Variants in PTPN23 observed in about 807,000 individuals in gnomAD.
PTPN23 encodes the protein protein tyrosine phosphatase non-receptor type 23, also known as tyrosine-protein phosphatase non-receptor type 23.
Under a neutral mutation model 156.3 loss-of-function variants are expected in PTPN23, and 72 were observed. The ratio of observed to expected loss-of-function variants is 0.46; its 90% CI spans 0.38 to 0.56. PTPN23 has a LOEUF of 0.56. Among genes scored for constraint, PTPN23 ranks in the 20% least tolerant of loss-of-function variants. PTPN23 has a pLI of 0.00. For synonymous variants in PTPN23, 957 were observed against 899.6 expected (o/e 1.06, Z -1.14); for missense variants, 1,974 against 2,171.5 (o/e 0.91, Z 1.81).
chr3:47,407,850 G>T lies in PTPN23; in HGVS notation c.1118+39G>T. 1 of 1,614,170 alleles carries T rather than the reference G, an allele frequency of 6.2e-7. No homozygotes were observed. The highest frequency in any genetic ancestry group is 8.5e-7 in the Non-Finnish European group (1 of 1,180,004). On this transcript the variant is annotated intron_variant, in intron 13 of 24. Coordinates refer to ENST00000265562, the MANE Select transcript of PTPN23 (RefSeq NM_015466.4). This position sits in a 1 kb window ranked among gnomAD's most constrained non-coding sequence, Gnocchi z 4.0. ...GGCACAGAGGGAGGTGGGGTGTCTT[G>T]AGATGTGGGTCTTCAGCAAATGCTC...
chr3:47,382,923 G>A (rs1469835863), intron 1 of PTPN23, among the ~76,000 whole-genome samples: 2 of 151,822 alleles, frequency 1.3e-5, no homozygotes, highest in African/African-American at 2.4e-5. Flanking sequence ...CTCCCGACCC[G>A]TGATCCACCC....
At chr3:47,387,417 A>AG (rs1704676981) in intron 1 of PTPN23, among the ~76,000 whole-genome samples, 1 of 150,990 alleles carries the variant, frequency 6.6e-6, no homozygotes, top group South Asian at 2.1e-4. Context: ...AAAAAAAAAA[A>AG]AAAAAGAAAG....
In PTPN23 at chr3:47,411,078, C is replaced by A; in HGVS notation, c.3280C>A (p.Pro1094Thr). Residue 1094 changes from proline (P) to threonine (T), a missense_variant, in exon 20 of 25, where the codon CCT (proline) becomes ACT (threonine). Physicochemically the swap from Pro to Thr is conservative, Grantham distance 38 (BLOSUM62 -1). This residue lies in a region of PTPN23 where 731 missense variants were observed against 669.1 expected (regional missense o/e 1.09). Coordinates refer to ENST00000265562, the MANE Select transcript of PTPN23 (RefSeq NM_015466.4). This position sits in a 1 kb window ranked among gnomAD's most constrained non-coding sequence, Gnocchi z 6.3. Reference protein sequence around the residue: ...LVPSPAPSPGPGPVPPRPPAA... With the variant: ...LVPSPAPSPGTGPVPPRPPAA... ...GCCTTCACCTGCCCCATCTCCAGGG[C>A]CTGGTCCGGTACCCCCTCGCCCCCC... is the stretch of plus-strand genomic sequence containing the variant. 6.3e-7 allele frequency: 1 copy of A among 1,588,690 alleles called. No individual in the cohort carries two copies. Among genetic ancestry groups the A allele is most frequent in the South Asian group, 1.2e-5 (1 of 86,362 alleles).
chr3:47,407,460 AC>A lies in PTPN23; in HGVS notation c.924-44del. 1.9e-6 allele frequency: 3 copies of A among 1,608,644 alleles called. No homozygotes were observed. Among genetic ancestry groups the A allele is most frequent in the Non-Finnish European group, 2.6e-6 (3 of 1,175,222 alleles). ...CATGGGAAGTAGGTTCTGGATCCCC[AC>A]TGACACCCCGTGACTGCCCACTCCC... On this transcript the variant is annotated intron_variant, in intron 11 of 24. Transcript: ENST00000265562. This position sits in a 1 kb window ranked among gnomAD's most constrained non-coding sequence, Gnocchi z 4.0.
At chr3:47,381,252 T>C in intron 1 of PTPN23, 72 bp downstream of exon 1, 1 of 1,535,782 alleles carries the variant, frequency 6.5e-7, no homozygotes, top group Non-Finnish European at 8.8e-7. Context: ...GACGCCCCCC[T>C]GCGCGCCCAT....
At position 47,412,365 on chromosome 3, in the gene PTPN23, C is replaced by T; in HGVS notation, c.4261C>T (p.Leu1421=). Residue 1421 remains leucine (L), a synonymous_variant, in exon 23 of 25, where the codon CTG becomes TTG. Coordinates refer to ENST00000265562, the MANE Select transcript of PTPN23 (RefSeq NM_015466.4). ...EVEAGNGIPE[L]PQLVRRMRQQ... ...GGAGGCTGGGAACGGAATCCCTGAG[C>T]TGCCTCAGCTGGTGCGGCGCATGCG... is the stretch of plus-strand genomic sequence containing the variant. The T allele has an allele frequency of 6.2e-7, 1 of 1,613,222 alleles. No homozygotes were observed. Among genetic ancestry groups the T allele is most frequent in the Non-Finnish European group, 8.5e-7 (1 of 1,180,022 alleles).
intron 2 of PTPN23, among the ~76,000 whole-genome samples, chr3:47,399,875 G>C (rs1239523438): frequency 6.6e-6 from 1 of 152,174 alleles, no homozygotes; most frequent in Non-Finnish European, 1.5e-5. Flanking sequence ...CTGGGGTGCA[G>C]TCTATCTTGG....
Position 47,410,786 on chromosome 3 carries a change from C to A in PTPN23, c.2988C>A (p.Ser996=). 1.9e-6 allele frequency: 3 copies of A among 1,574,812 alleles called. No homozygotes were observed. The highest frequency in any genetic ancestry group is 2.6e-6 in the Non-Finnish European group (3 of 1,152,870). Residue 996 remains serine, a synonymous_variant, in exon 20 of 25, where the codon TCC becomes TCA. Coordinates refer to ENST00000265562, the MANE Select transcript of PTPN23 (RefSeq NM_015466.4). ...PQAPGLLPPQ[S]PYPYAPQPGV... is the part of the protein sequence containing the mutation. ...CCCCAGGACTCCTACCCCCACAATC[C>A]CCCTACCCCTATGCCCCTCAGCCTG...
chr3:47,385,716 C>T (rs1704639276), intron 1 of PTPN23, among the ~76,000 whole-genome samples: 1 of 151,936 alleles, frequency 6.6e-6, no homozygotes, highest in African/African-American at 2.4e-5. Flanking sequence ...TGAAACTTAC[C>T]TCCTAGTAAT....
rs1261381999 is a variant in PTPN23, at chr3:47,412,832, T to G, written c.4558T>G (p.Leu1520Val). Residue 1520 changes from leucine (L) to valine (V), a missense_variant, in exon 25 of 25, where the codon TTG becomes GTG. By Grantham distance (32) the Leu-to-Val change is conservative (BLOSUM62 1). Transcript: ENST00000265562. ...GGGGTTGGAGTCCCCGGTTGCCAGC[T>G]TGCCAGGCCCTGCAGAGCCCCCAGG... Reference protein sequence around the residue: ...PGGLESPVASLPGPAEPPGLP... With the variant: ...PGGLESPVASVPGPAEPPGLP... The G allele has an allele frequency of 1.9e-6, 3 of 1,613,342 alleles. No homozygotes were observed. Among genetic ancestry groups the G allele is most frequent in the Admixed American group, 3.3e-5 (2 of 59,996 alleles).
chr3:47,398,738 AAT>A (rs1704931319), intron 2 of PTPN23, among the ~76,000 whole-genome samples: 1 of 151,884 alleles, frequency 6.6e-6, no homozygotes, highest in Non-Finnish European at 1.5e-5. Context: ...CCAATTTTTA[AAT>A]TTTTTGTAGA....
rs759413561 is a variant in PTPN23 at position 47,409,993 on chromosome 3, AGAGT to A, written c.2199_2202del (p.Ser733ArgfsTer69). 6.2e-7 allele frequency: 1 copy of A among 1,600,100 alleles called. No homozygotes were observed. The highest frequency in any genetic ancestry group is 1.8e-5 in the Admixed American group (1 of 56,856). On this transcript the variant is annotated frameshift_variant, in exon 20 of 25. Coordinates refer to ENST00000265562, the MANE Select transcript of PTPN23 (RefSeq NM_015466.4). LOFTEE classifies it high-confidence loss of function. ...AAGCCGCTGCTGCCCCGCAGGGAGG[AGAGT>A]GAGGCAGTGGAAGCAGGAGACCCCC...
In PTPN23 at chr3:47,410,350, T is replaced by C. The variant is rs923675771; in HGVS notation, c.2552T>C (p.Val851Ala). Residue 851 changes from valine (V) to alanine (A), a missense_variant, in exon 20 of 25, where the codon GTA becomes GCA. Coordinates refer to ENST00000265562, the MANE Select transcript of PTPN23 (RefSeq NM_015466.4). ...GTGGTGAGCAGTCCCTATGTGGGGG[T>C]AGGGCCGGCCCCACCAGTTGCAGGT... ...HGVVSSPYVG[V>A]GPAPPVAGLP... 14 of 1,607,674 alleles carry C rather than the reference T, an allele frequency of 8.7e-6. No individual in the cohort carries two copies. The highest frequency in any genetic ancestry group is 1.0e-5 in the Non-Finnish European group (12 of 1,177,480).
chr3:47,410,176 CT>C lies in PTPN23; in HGVS notation c.2379del (p.Gly794ValfsTer9). ...GPHYLSGPLPPGTYSGPTQLI... is the reference protein window; with the variant it reads ...GPHYLSGPLPXGTYSGPTQLI... ...CACTATCTCTCAGGCCCCTTGCCCC[CT>C]GGTACCTACTCGGGCCCCACCCAGC... On this transcript the variant is annotated frameshift_variant, in exon 20 of 25. Transcript: ENST00000265562. LOFTEE classifies it high-confidence loss of function. The C allele has an allele frequency of 1.3e-6, 2 of 1,599,234 alleles. No homozygotes were observed. Among genetic ancestry groups the C allele is most frequent in the Non-Finnish European group, 1.7e-6 (2 of 1,172,070 alleles).
intron 1 of PTPN23, among the ~76,000 whole-genome samples, chr3:47,388,317 G>A (rs376881985): frequency 4.6e-5 from 7 of 152,068 alleles, no homozygotes; most frequent in East Asian, 1.9e-4. Flanking sequence ...CAAGTGGTCC[G>A]TCCACCTCAT....
intron 1 of PTPN23, among the ~76,000 whole-genome samples, chr3:47,389,822 C>T (rs1228150268): frequency 8.3e-6 from 1 of 121,012 alleles, no homozygotes; most frequent in African/African-American, 3.3e-5. Flanking sequence ...GCCTGGGTAA[C>T]AGAGCGAGAC....
At position 47,410,661 on chromosome 3, in the gene PTPN23, C is replaced by T. The variant is rs149966020; in HGVS notation, c.2863C>T (p.Pro955Ser). The T allele has an allele frequency of 6.2e-7, 1 of 1,610,958 alleles. No individual in the cohort carries two copies. The highest frequency in any genetic ancestry group is 8.5e-7 in the Non-Finnish European group (1 of 1,178,922). Residue 955 changes from proline (P) to serine (S), a missense_variant, in exon 20 of 25, where the codon CCC becomes TCC. This residue lies in a region of PTPN23 where 731 missense variants were observed against 669.1 expected (regional missense o/e 1.09). Transcript: ENST00000265562. The stretch of plus-strand genomic sequence containing the variant: ...TCCAGCCCCAAGGATTGGGCCCCAG[C>T]CCCAGCCCCATCCTCAGCCCCATCC... Reference protein sequence around the residue: ...GFPAPRIGPQPQPHPQPHPSQ... With the variant: ...GFPAPRIGPQSQPHPQPHPSQ...
At position 47,404,709 on chromosome 3, in the gene PTPN23, G is replaced by A. The variant is rs1218977933; in HGVS notation, c.217G>A (p.Gly73Ser). The change falls in exon 3 of 25, where the codon GGC (glycine) becomes AGC (serine). Residue 73 changes from glycine (G) to serine (S), a missense_variant. By Grantham distance (56) the Gly-to-Ser change is moderately conservative (BLOSUM62 0). Coordinates refer to ENST00000265562, the MANE Select transcript of PTPN23 (RefSeq NM_015466.4). ...EGCSVLRKYL[G>S]QLHYLQSRVP... is the part of the protein sequence containing the mutation. ...CTGTAGTGTCCTCCGCAAGTACCTCGGCCAGCTTCATTACCTGCAGAGTCG... is the reference window on the plus strand; with the variant it reads ...CTGTAGTGTCCTCCGCAAGTACCTCAGCCAGCTTCATTACCTGCAGAGTCG... 1.2e-6 allele frequency: 2 copies of A among 1,613,998 alleles called. No homozygotes were observed. Among genetic ancestry groups the A allele is most frequent in the Non-Finnish European group, 8.5e-7 (1 of 1,180,030 alleles).
At chr3:47,412,259 C>T (rs772972157) in intron 22 of PTPN23, 24 bp from the exon 23 acceptor site, 1 of 1,612,926 alleles carries the variant, frequency 6.2e-7, no homozygotes, top group Admixed American at 1.7e-5. Flanking sequence ...CATACCCCGG[C>T]CTCATAACCC....
Sources: allele counts gnomAD v4.1 joint callset (sites outside exome capture counted in the v4.1 genomes callset), GRCh38; gene constraint gnomAD v4.1.1; regional missense constraint gnomAD v4.1.1; non-coding constraint Gnocchi (gnomAD v3.1); transcripts MANE v1.5; gene names NCBI Gene and HGNC (gene_info 2026-07-23, HGNC 2026-07-21).